SEMA6D: variants seen among roughly 807,000 people sequenced by gnomAD.
SEMA6D encodes the protein semaphorin 6D.
In SEMA6D, 35 loss-of-function variants were observed where a neutral mutation model predicts 106.6. The observed-to-expected ratio is 0.33, with a 90% confidence interval of 0.25 to 0.44. The LOEUF (loss-of-function observed/expected upper bound fraction) is 0.44. Ranked by LOEUF, SEMA6D falls within the 20% of genes least tolerant of loss-of-function variation. The pLI is 1.00. For synonymous variants in SEMA6D, 499 were observed against 487.7 expected, an observed-to-expected ratio of 1.02 and a Z score of -0.31; for missense variants, 1,185 against 1,345.9, an observed-to-expected ratio of 0.88 and a Z score of 1.87.
chr15:47,564,275 A>G (rs1002101758), intron 3 of SEMA6D, among the ~76,000 whole-genome samples: 1 of 152,218 alleles, frequency 6.6e-6, no homozygotes, highest in Non-Finnish European at 1.5e-5. Flanking sequence ...GGAGGCAGTA[A>G]TGAGGAAAGT....
intron 2 of SEMA6D, among the ~76,000 whole-genome samples, chr15:47,455,538 A>C (rs1430286995): frequency 6.6e-6 from 1 of 151,788 alleles, no homozygotes; most frequent in African/African-American, 2.4e-5. Flanking sequence ...TCACTAGTCA[A>C]CTCTGATACA....
At chr15:47,423,186 C>T (rs1211420885) in intron 2 of SEMA6D, among the ~76,000 whole-genome samples, 1 of 151,968 alleles carries the variant, frequency 6.6e-6, no homozygotes, top group Non-Finnish European at 1.5e-5. Flanking sequence ...TTAACTCTGG[C>T]TTTTGGTGAT....
intron 3 of SEMA6D, among the ~76,000 whole-genome samples, chr15:47,558,640 C>CT (rs2045985673): frequency 6.6e-6 from 1 of 151,970 alleles, no homozygotes; most frequent in East Asian, 1.9e-4. Flanking sequence ...ATCATTTACT[C>CT]TATCATATTC....
In SEMA6D at chr15:47,601,313, T is replaced by C. The variant is rs534378400; in HGVS notation, c.-55+417T>C. The stretch of plus-strand genomic sequence containing the variant: ...AAGTGCCCCCAGCACAGCCCTAACC[T>C]TTCAGCTTTGGTAAGGTCTTCCTGT... On this transcript the variant is annotated intron_variant, in intron 4 of 19. Coordinates refer to the SEMA6D transcript ENST00000558014. Among the ~76,000 whole-genome samples the C allele has an allele frequency of 5.9e-5, 9 of 152,278 alleles. No homozygotes were observed. The East Asian group carries it at 1.7e-3, about 29-fold the overall frequency.
At chr15:47,289,436 A>G (rs960868154) in intron 1 of SEMA6D, among the ~76,000 whole-genome samples, 1 of 150,998 alleles carries the variant, frequency 6.6e-6, no homozygotes, top group Non-Finnish European at 1.5e-5. Context: ...AGCTAAATTC[A>G]GTTCAGCATA....
intron 1 of SEMA6D, among the ~76,000 whole-genome samples, chr15:47,354,199 C>A (rs5812378): frequency 0.019 from 1,313 of 70,166 alleles, 8 homozygotes; most frequent in Non-Finnish European, 0.036. Context: ...CTCTCTCTCT[C>A]TATATATATA....
chr15:47,189,880 A>G (rs1454574711), intron 1 of SEMA6D, among the ~76,000 whole-genome samples: 1 of 152,256 alleles, frequency 6.6e-6, no homozygotes, highest in Admixed American at 6.5e-5. Flanking sequence ...AATAGTGCAT[A>G]AAGCTTTAAA....
At chr15:47,520,511 G>C (rs1268065191) in intron 3 of SEMA6D, among the ~76,000 whole-genome samples, 2 of 152,172 alleles carry the variant, frequency 1.3e-5, no homozygotes, top group Non-Finnish European at 2.9e-5. Flanking sequence ...ATGTCATTGA[G>C]CTACCAAAAG....
chr15:47,522,422 G>A (rs1172940222), intron 3 of SEMA6D, among the ~76,000 whole-genome samples: 1 of 152,088 alleles, frequency 6.6e-6, no homozygotes, highest in Non-Finnish European at 1.5e-5. Flanking sequence ...TTCCCTATCA[G>A]TCTATAAACT....
chr15:47,722,385 C>T (rs2146354138), intron 1 of SEMA6D, among the ~76,000 whole-genome samples: 2 of 152,288 alleles, frequency 1.3e-5, no homozygotes, highest in South Asian at 4.1e-4. Flanking sequence ...ATTGCTACAT[C>T]CCTTTTCACA....
intron 1 of SEMA6D, among the ~76,000 whole-genome samples, chr15:47,216,834 G>T (rs2030664434): frequency 6.6e-6 from 1 of 151,990 alleles, no homozygotes; most frequent in Non-Finnish European, 1.5e-5. Context: ...CTATGAGTTT[G>T]GCAAAAAAAA....
At chr15:47,308,033 A>G (rs77401977) in intron 1 of SEMA6D, among the ~76,000 whole-genome samples, 1 of 145,660 alleles carries the variant, frequency 6.9e-6, no homozygotes, top group African/African-American at 2.5e-5. Flanking sequence ...TGGCCTGGCT[A>G]TTTTTTTTTT....
intron 1 of SEMA6D, among the ~76,000 whole-genome samples, chr15:47,232,332 T>C (rs1173715979): frequency 6.6e-6 from 1 of 152,012 alleles, no homozygotes; most frequent in East Asian, 1.9e-4. Flanking sequence ...TTTTTTTGTG[T>C]GAATGGTTAT....
upstream of SEMA6D, among the ~76,000 whole-genome samples, chr15:47,712,964 G>A (rs992649598): frequency 6.6e-6 from 1 of 152,086 alleles, no homozygotes; most frequent in Non-Finnish European, 1.5e-5. Context: ...TTTTGCTTCT[G>A]TTTGTTCAAA....
At position 47,772,814 on chromosome 15, in the gene SEMA6D, A is replaced by G. The variant is rs1208286262; in HGVS notation, c.*1029A>G. On this transcript the variant is annotated 3_prime_UTR_variant, in exon 19 of 19. Transcript: ENST00000536845. ...GATTGTGTTCGTTTCCCCCCCCCCA[A>G]TAGTAAAATTTCTCCTCCTTTAACT... The G allele has an allele frequency of 3.6e-5, 3 of 82,374 alleles. No individual in the cohort carries two copies. Among genetic ancestry groups the G allele is most frequent in the East Asian group, 8.0e-4 (1 of 1,250 alleles). 5.1% of individuals were successfully genotyped at this position (82,374 alleles called of 1,614,324 possible).
intron 4 of SEMA6D, among the ~76,000 whole-genome samples, chr15:47,710,201 A>C (rs2146057218): frequency 6.6e-6 from 1 of 152,340 alleles, no homozygotes; most frequent in East Asian, 1.9e-4. Context: ...TCAATTATAA[A>C]TTATCCTTGT....
chr15:47,730,276 G>C (rs988922629), intron 1 of SEMA6D: 1 of 1,538,832 alleles, frequency 6.5e-7, no homozygotes, highest in Non-Finnish European at 8.9e-7. Context: ...AATTGGTCCT[G>C]ATAGCTTCCA....
chr15:47,600,404 A>G (rs1410117407), intron 3 of SEMA6D, among the ~76,000 whole-genome samples: 1 of 152,140 alleles, frequency 6.6e-6, no homozygotes, highest in African/African-American at 2.4e-5. Flanking sequence ...AAGTTCATGA[A>G]GAAAAATGAG....
chr15:47,582,959 A>G (rs2076279804), intron 3 of SEMA6D, among the ~76,000 whole-genome samples: 1 of 152,216 alleles, frequency 6.6e-6, no homozygotes, highest in African/African-American at 2.4e-5. Flanking sequence ...CCACTCCCAC[A>G]GGATTCCAGG....
Sources: allele counts gnomAD v4.1 joint callset (sites outside exome capture counted in the v4.1 genomes callset), GRCh38; gene constraint gnomAD v4.1.1; transcripts MANE v1.5; gene names NCBI Gene and HGNC (gene_info 2026-07-23, HGNC 2026-07-21).